The following STAP1 variants were observed in gnomAD, a reference collection of about 807,000 sequenced individuals.
STAP1 encodes the protein signal transducing adaptor family member 1, also known as signal-transducing adaptor protein 1.
A neutral mutation model predicts 37.8 loss-of-function variants in STAP1; 30 were observed. The ratio of observed to expected loss-of-function variants is 0.79; its 90% CI spans 0.59 to 1.08. STAP1 has a LOEUF of 1.08. Ranked by LOEUF, STAP1 falls within the 50% of genes least tolerant of loss-of-function variation. The pLI, the probability that STAP1 is intolerant of heterozygous loss-of-function variation, is 0.00. For synonymous variants in STAP1, 130 were observed against 116.0 expected, an observed-to-expected ratio of 1.12 and a Z score of -0.78; for missense variants, 357 against 349.4, an observed-to-expected ratio of 1.02 and a Z score of -0.17.
intron 6 of STAP1, among the ~76,000 whole-genome samples, chr4:67,589,330 A>G (rs1210499954): frequency 6.6e-6 from 1 of 152,196 alleles, no homozygotes; most frequent in Non-Finnish European, 1.5e-5. Flanking sequence ...TAGGAAGGAA[A>G]AGGGTTGGTT....
At chr4:67,578,023 C>T (rs114140040) in intron 4 of STAP1, among the ~76,000 whole-genome samples, 5,709 of 152,192 alleles carry the variant, frequency 0.038, 151 homozygotes, top group Non-Finnish European at 0.044. Flanking sequence ...ATAACATAGA[C>T]AATGTAACAG....
chr4:67,575,326 T>C (rs1727693168), intron 2 of STAP1, 59 bp from the exon 3 acceptor site: 5 of 1,173,582 alleles, frequency 4.3e-6, no homozygotes, highest in Non-Finnish European at 6.0e-6. Context: ...TGCTTCCTGC[T>C]AGAACTAATG....
intron 1 of STAP1, among the ~76,000 whole-genome samples, chr4:67,563,315 A>G (rs1219911483): frequency 6.6e-6 from 1 of 152,230 alleles, no homozygotes; most frequent in Admixed American, 6.5e-5. Flanking sequence ...CTTTTGAGGT[A>G]TAACATATAA....
At chr4:67,583,524 A>G (rs1314791934) in intron 5 of STAP1, 50 bp from the exon 6 acceptor site, 12 of 1,535,278 alleles carry the variant, frequency 7.8e-6, no homozygotes, top group Non-Finnish European at 8.8e-6. Context: ...TCAAGTAATG[A>G]TCTTCATCAG....
chr4:67,559,419 T>G (rs1385273295), intron 1 of STAP1, among the ~76,000 whole-genome samples: 1 of 152,088 alleles, frequency 6.6e-6, no homozygotes, highest in Non-Finnish European at 1.5e-5. Context: ...AATGACAAAG[T>G]TCATACTGTT....
intron 8 of STAP1, among the ~76,000 whole-genome samples, chr4:67,595,173 A>G (rs1408666394): frequency 6.6e-6 from 1 of 151,996 alleles, no homozygotes; most frequent in Non-Finnish European, 1.5e-5. Flanking sequence ...ATACATTTTG[A>G]ATTATTTTTA....
At chr4:67,568,508 T>A (rs114540275) in intron 1 of STAP1, among the ~76,000 whole-genome samples, 5,730 of 152,302 alleles carry the variant, frequency 0.038, 151 homozygotes, top group Non-Finnish European at 0.044. Flanking sequence ...TGTAATATAG[T>A]CACTCTTCAT....
intron 8 of STAP1, among the ~76,000 whole-genome samples, chr4:67,603,905 G>A (rs1347753394): frequency 6.6e-6 from 1 of 152,092 alleles, no homozygotes; most frequent in Non-Finnish European, 1.5e-5. Context: ...TGCACTACAT[G>A]TCCACTGGCT....
At position 67,581,472 on chromosome 4, in the gene STAP1, G is replaced by A. The variant is rs939395646; in HGVS notation, c.530+1G>A. ...TGGATGTACTGAACCCTATGCCAGC[G>A]TAAGTGCACAATGAACTGCAGTTTA... On this transcript the variant is annotated splice_donor_variant, in intron 5 of 8. Coordinates refer to ENST00000265404, the MANE Select transcript of STAP1 (RefSeq NM_012108.4). LOFTEE classifies it high-confidence loss of function. The A allele has an allele frequency of 5.0e-6, 8 of 1,601,868 alleles. No individual in the cohort carries two copies. Among genetic ancestry groups the A allele is most frequent in the Middle Eastern group, 1.7e-4 (1 of 6,028 alleles).
intron 7 of STAP1, among the ~76,000 whole-genome samples, chr4:67,592,113 T>C (rs17838964): frequency 1.0e-5 from 1 of 99,790 alleles, no homozygotes; most frequent in Non-Finnish European, 2.2e-5. Context: ...CTCAGTAAGG[T>C]TGTATTTTTG....
chr4:67,592,131 T>TC (rs1728131831), intron 7 of STAP1, among the ~76,000 whole-genome samples: 5 of 151,550 alleles, frequency 3.3e-5, no homozygotes, highest in Admixed American at 3.3e-4. Context: ...TTGTGATTTT[T>TC]TTTTTTAGAG....
At chr4:67,584,133 A>T (rs1286967901) in intron 6 of STAP1, among the ~76,000 whole-genome samples, 1 of 148,554 alleles carries the variant, frequency 6.7e-6, no homozygotes, top group Non-Finnish European at 1.5e-5. Flanking sequence ...AAGAATAGGG[A>T]GGGAATGTCA....
intron 8 of STAP1, among the ~76,000 whole-genome samples, chr4:67,594,021 C>T (rs1231301907): frequency 6.6e-6 from 1 of 152,200 alleles, no homozygotes; most frequent in African/African-American, 2.4e-5. Flanking sequence ...ACCCTTGAAA[C>T]TGGCTCTCTT....
intron 4 of STAP1, among the ~76,000 whole-genome samples, chr4:67,581,093 G>A (rs1365573224): frequency 6.6e-6 from 1 of 152,194 alleles, no homozygotes; most frequent in Admixed American, 6.5e-5. Context: ...TGGCAGAAGG[G>A]TAGGCACTCT....
rs373019094 is a variant in STAP1, at chr4:67,593,303, A to G, written c.773A>G (p.Lys258Arg). ...NLFSVIDYFV[K>R]ETRGNLRPFI... Reference sequence around the variant, plus strand: ...TTCAGTGTCATTGATTATTTTGTGAAGGAGACTCGAGGAAATTTAAGACCA... The same window carrying G: ...TTCAGTGTCATTGATTATTTTGTGAGGGAGACTCGAGGAAATTTAAGACCA... Residue 258 changes from lysine to arginine, a missense_variant, in exon 8 of 9, where the codon AAG (lysine) becomes AGG (arginine). Transcript: ENST00000265404. 9.9e-6 allele frequency: 16 copies of G among 1,613,404 alleles called. No homozygotes were observed. The highest frequency in any genetic ancestry group is 1.6e-4 in the Middle Eastern group (1 of 6,078).
At chr4:67,563,250 A>G (rs1403325822) in intron 1 of STAP1, among the ~76,000 whole-genome samples, 1 of 152,224 alleles carries the variant, frequency 6.6e-6, no homozygotes, top group African/African-American at 2.4e-5. Context: ...ACTCTCTTGC[A>G]TAGCTGAATA....
chr4:67,562,328 C>T (rs147821085), intron 1 of STAP1, among the ~76,000 whole-genome samples: 8,352 of 151,074 alleles, frequency 0.055, 396 homozygotes, highest in Admixed American at 0.17. Flanking sequence ...GGTGACAGAG[C>T]GAAACTCCGT....
chr4:67,584,320 A>G (rs1306073844), intron 6 of STAP1, among the ~76,000 whole-genome samples: 1 of 152,150 alleles, frequency 6.6e-6, no homozygotes, highest in Non-Finnish European at 1.5e-5. Flanking sequence ...ATACGCAGTG[A>G]AAAAAACAAA....
rs558836153 is a variant in STAP1 at position 67,588,350 on chromosome 4, C to T, written c.660-2534C>T. ...CCCACAGCTTTGCCATAGACGACGA[C>T]GACGATGATGATGATGATGATGATG... is the stretch of plus-strand genomic sequence containing the variant. On this transcript the variant is annotated intron_variant, in intron 6 of 8. Transcript: ENST00000265404. Among the ~76,000 whole-genome samples the T allele has an allele frequency of 2.2e-3, 281 of 130,044 alleles. 4 individuals are homozygous for T. Among genetic ancestry groups the T allele is most frequent in the African/African-American group, 4.3e-3 (168 of 38,880 alleles). 85.3% of individuals were successfully genotyped at this position (130,044 alleles called of 152,430 possible).
Sources: allele counts gnomAD v4.1 joint callset (sites outside exome capture counted in the v4.1 genomes callset), GRCh38; gene constraint gnomAD v4.1.1; transcripts MANE v1.5; gene names NCBI Gene and HGNC (gene_info 2026-07-23, HGNC 2026-07-21).